ADCY9: variants seen among roughly 807,000 people sequenced by gnomAD.
ADCY9 encodes the protein adenylate cyclase type 9.
Under a neutral mutation model 101.5 loss-of-function variants are expected in ADCY9, and 50 were observed. That is an observed-to-expected ratio of 0.49 (90% CI 0.39 to 0.62). ADCY9 has a LOEUF of 0.62. ADCY9 is among the 20% of genes least tolerant of loss of function. ADCY9 has a pLI of 0.00. For missense variants in ADCY9, 1,662 were observed against 1,800.4 expected, an observed-to-expected ratio of 0.92 and a Z score of 1.39; for synonymous variants, 905 against 769.3, an observed-to-expected ratio of 1.18 and a Z score of -2.92.
At chr16:4,057,954 T>G (rs961790880) in intron 2 of ADCY9, among the ~76,000 whole-genome samples, 1 of 151,490 alleles carries the variant, frequency 6.6e-6, no homozygotes, top group Admixed American at 6.6e-5. Context: ...AGGTCAAGAG[T>G]TCGAGACCAG....
At chr16:4,077,458 G>T (rs1381434092) in intron 2 of ADCY9, among the ~76,000 whole-genome samples, 1 of 152,044 alleles carries the variant, frequency 6.6e-6, no homozygotes. Context: ...TCTTTATTAT[G>T]ATTATTTCCT....
intron 2 of ADCY9, among the ~76,000 whole-genome samples, chr16:4,091,788 G>C (rs1597220279): frequency 6.6e-6 from 1 of 152,338 alleles, no homozygotes; most frequent in East Asian, 1.9e-4. Context: ...CAGCACAGCG[G>C]CTGCCAGGTG....
At chr16:3,977,259 G>T (rs1161143434) in intron 9 of ADCY9, among the ~76,000 whole-genome samples, 2 of 152,216 alleles carry the variant, frequency 1.3e-5, no homozygotes, top group African/African-American at 4.8e-5. Context: ...CAACTACCCA[G>T]AGTGCTGTTC....
intron 2 of ADCY9, among the ~76,000 whole-genome samples, chr16:4,098,088 G>C (rs965554628): frequency 2.0e-5 from 3 of 152,086 alleles, no homozygotes; most frequent in African/African-American, 7.2e-5. Flanking sequence ...TGAAAGCAAG[G>C]CTCCTACTAA....
At chr16:4,033,327 C>T (rs1011046301) in intron 2 of ADCY9, among the ~76,000 whole-genome samples, 2 of 151,950 alleles carry the variant, frequency 1.3e-5, no homozygotes, top group Non-Finnish European at 2.9e-5. Context: ...CGTAGATTCA[C>T]GTAATACTGC....
chr16:4,030,597 G>A (rs968197062), intron 2 of ADCY9, among the ~76,000 whole-genome samples: 1 of 152,046 alleles, frequency 6.6e-6, no homozygotes, highest in Non-Finnish European at 1.5e-5. Context: ...CAGCTCCTCA[G>A]GAAGCTGAGG....
chr16:3,979,972 T>TCC (rs2056126945), intron 7 of ADCY9, among the ~76,000 whole-genome samples: 1 of 151,880 alleles, frequency 6.6e-6, no homozygotes, highest in African/African-American at 2.4e-5. Flanking sequence ...TGGTCTCTGC[T>TCC]GTTTGGGGCA....
chr16:4,097,240 G>T (rs1049025078), intron 2 of ADCY9, among the ~76,000 whole-genome samples: 6 of 151,550 alleles, frequency 4.0e-5, no homozygotes, highest in African/African-American at 1.5e-4. Flanking sequence ...GGCGCCCCTG[G>T]GCCCATTCAC....
At chr16:3,980,250 G>A (rs753127488) in intron 7 of ADCY9, among the ~76,000 whole-genome samples, 1 of 150,748 alleles carries the variant, frequency 6.6e-6, no homozygotes, top group Non-Finnish European at 1.5e-5. Flanking sequence ...TGTGTCTAGC[G>A]GGCTTCGTTT....
chr16:4,011,525 C>A (rs569556622), intron 2 of ADCY9, among the ~76,000 whole-genome samples: 1 of 152,338 alleles, frequency 6.6e-6, no homozygotes, highest in South Asian at 2.1e-4. Flanking sequence ...ACCTACTCCC[C>A]ACAAACTGCT....
chr16:3,959,990 C>T (rs2055929408), downstream of ADCY9, among the ~76,000 whole-genome samples: 1 of 152,098 alleles, frequency 6.6e-6, no homozygotes, highest in South Asian at 2.1e-4. Context: ...CGTGCCACTG[C>T]ACTCTAGCCT....
At chr16:3,982,747 G>A (rs1157205529) in intron 7 of ADCY9, 1 of 160,420 alleles carries the variant, frequency 6.2e-6, no homozygotes, top group Non-Finnish European at 1.4e-5. Context: ...TAGCGCAACA[G>A]CTTAACTTCT....
intron 9 of ADCY9, 29 bp downstream of exon 9, chr16:3,977,453 G>C (rs1567418569): frequency 1.9e-6 from 3 of 1,541,894 alleles, no homozygotes. Flanking sequence ...CACGCACCCT[G>C]GTGCCCGCAA....
chr16:3,963,183 T>C lies in ADCY9; in HGVS notation c.*2592A>G, dbSNP rs2141666256. On this transcript the variant is annotated 3_prime_UTR_variant, in exon 11 of 11. Transcript: ENST00000294016. ...ATCTGAGCTGGGACTGAGAAGAAAA[T>C]AGCAATTGCAACTCAAAGCAACTAT... The C allele has an allele frequency of 3.1e-6, 1 of 327,438 alleles. No homozygotes were observed. Among genetic ancestry groups the C allele is most frequent in the South Asian group, 1.7e-4 (1 of 5,976 alleles). The allele number at this position is 327,438 out of a possible 1,614,324, so 20.3% of individuals were successfully genotyped here. A position where few individuals can be genotyped will look rare whatever the true frequency, so the allele number is the denominator to read the frequency against.
intron 2 of ADCY9, among the ~76,000 whole-genome samples, chr16:4,064,749 G>T (rs574578544): frequency 1.8e-4 from 27 of 151,928 alleles, no homozygotes; most frequent in Non-Finnish European, 3.8e-4. Context: ...AAAGTGCTGG[G>T]ATCACAGGCA....
intron 2 of ADCY9, among the ~76,000 whole-genome samples, chr16:4,023,059 T>TGGAG (rs2056488837): frequency 6.6e-6 from 1 of 152,064 alleles, no homozygotes; most frequent in African/African-American, 2.4e-5. Context: ...GCAAACAGCG[T>TGGAG]GGAGATCAAG....
chr16:4,054,978 C>T (rs981712245), intron 2 of ADCY9, among the ~76,000 whole-genome samples: 1 of 152,072 alleles, frequency 6.6e-6, no homozygotes, highest in Non-Finnish European at 1.5e-5. Context: ...ATCATGAAAC[C>T]CTGACTCTTT....
chr16:4,088,435 G>A (rs2056953376), intron 2 of ADCY9, among the ~76,000 whole-genome samples: 1 of 151,990 alleles, frequency 6.6e-6, no homozygotes, highest in African/African-American at 2.4e-5. Flanking sequence ...GGGACTACAG[G>A]CACGTGCCAC....
chr16:4,022,771 G>A (rs2141742073), intron 2 of ADCY9, among the ~76,000 whole-genome samples: 1 of 152,246 alleles, frequency 6.6e-6, no homozygotes, highest in East Asian at 1.9e-4. Context: ...TCCAGCCTGG[G>A]TATCAGAGTA....
Sources: gnomAD v4.1 joint callset for allele counts (sites outside exome capture counted in the v4.1 genomes callset) on GRCh38, gnomAD v4.1.1 for gene constraint, MANE v1.5 for transcripts, NCBI Gene and HGNC (gene_info 2026-07-23, HGNC 2026-07-21) for gene names.